The following ZMAT4 variants were observed in gnomAD, a reference collection of about 807,000 sequenced individuals.
The protein encoded by ZMAT4 is zinc finger matrin-type protein 4.
In ZMAT4, 17 loss-of-function variants were observed where a neutral mutation model predicts 28.7. The observed-to-expected ratio is 0.59, with a 90% CI of 0.41 to 0.89. ZMAT4 has a LOEUF of 0.89. ZMAT4 is among the 40% of genes least tolerant of loss of function. ZMAT4 has a pLI of 0.00. For synonymous variants in ZMAT4, 117 were observed against 109.2 expected, an observed-to-expected ratio of 1.07 and a Z score of -0.44; for missense variants, 240 against 283.8, an observed-to-expected ratio of 0.85 and a Z score of 1.11.
chr8:40,666,681 CA>C, intron 5 of ZMAT4, among the ~76,000 whole-genome samples: 1 of 152,120 alleles, frequency 6.6e-6, no homozygotes, highest in East Asian at 1.9e-4. Context: ...AAAAATAAAA[CA>C]CACAAAATAA....
chr8:40,708,353 G>A (rs970382780), intron 3 of ZMAT4, among the ~76,000 whole-genome samples: 2 of 152,178 alleles, frequency 1.3e-5, no homozygotes, highest in Non-Finnish European at 2.9e-5. Flanking sequence ...GCCTAGACCT[G>A]CAAATTTTCT....
intron 3 of ZMAT4, among the ~76,000 whole-genome samples, chr8:40,746,230 TCCCTCCCTCCC>T (rs1812210598): frequency 2.0e-4 from 2 of 10,022 alleles, no homozygotes; most frequent in African/African-American, 5.7e-4. Flanking sequence ...CTTCCCTCCC[TCCCTCCCTCCC>T]TCCCTCCCTC....
intron 5 of ZMAT4, among the ~76,000 whole-genome samples, chr8:40,617,846 G>A (rs1806064956): frequency 6.6e-6 from 1 of 152,176 alleles, no homozygotes; most frequent in South Asian, 2.1e-4. Context: ...TACTGAATAT[G>A]CTCTCTGCTG....
At chr8:40,641,093 G>T (rs897897979) in intron 5 of ZMAT4, among the ~76,000 whole-genome samples, 1 of 151,870 alleles carries the variant, frequency 6.6e-6, no homozygotes, top group African/African-American at 2.4e-5. Context: ...ACAGTTAAAA[G>T]AATGACTAAA....
chr8:40,680,659 C>G (rs1239643738), intron 4 of ZMAT4, among the ~76,000 whole-genome samples: 2 of 151,158 alleles, frequency 1.3e-5, no homozygotes, highest in African/African-American at 4.9e-5. Context: ...TTCAAGCTGA[C>G]AACATACACT....
chr8:40,755,104 T>C (rs146366504), intron 3 of ZMAT4, among the ~76,000 whole-genome samples: 1 of 152,270 alleles, frequency 6.6e-6, no homozygotes, highest in East Asian at 1.9e-4. Flanking sequence ...ACATCATATG[T>C]TCACAAATTT....
At chr8:40,629,498 T>C (rs2589873) in intron 5 of ZMAT4, among the ~76,000 whole-genome samples, 83,354 of 148,626 alleles carry the variant, frequency 0.56, 24,465 homozygotes, top group East Asian at 0.69. Flanking sequence ...GTTGGTGTGC[T>C]GCACCCATTA....
In ZMAT4 at chr8:40,596,492, A is replaced by T. The variant is rs74395468; in HGVS notation, c.578-15231T>A. On this transcript the variant is annotated intron_variant, in intron 5 of 6. Coordinates refer to ENST00000297737, the MANE Select transcript of ZMAT4 (RefSeq NM_024645.3). ...TCTATTTTTGAAATTTTTGATTTTT[A>T]AAAAATTTATAAACTTTTTTTGTGA... 5.2e-3 allele frequency among the ~76,000 whole-genome samples: 793 copies of T among 152,292 alleles called. 6 individuals are homozygous for T. Among genetic ancestry groups the T allele is most frequent in the African/African-American group, 0.018 (757 of 41,548 alleles).
At chr8:40,674,463 C>T (rs1474938832) in intron 5 of ZMAT4, 1 of 474,042 alleles carries the variant, frequency 2.1e-6, no homozygotes, top group Non-Finnish European at 3.8e-6. Context: ...CATGAATGTG[C>T]CTTTGGTCTG....
chr8:40,647,259 T>C (rs1026123007), intron 5 of ZMAT4, among the ~76,000 whole-genome samples: 3 of 152,176 alleles, frequency 2.0e-5, no homozygotes, highest in Non-Finnish European at 4.4e-5. Flanking sequence ...ATTGCCTCAC[T>C]TGGGAAGCGC....
intron 5 of ZMAT4, among the ~76,000 whole-genome samples, chr8:40,622,754 C>T (rs1403142996): frequency 6.6e-6 from 1 of 152,082 alleles, no homozygotes; most frequent in Non-Finnish European, 1.5e-5. Context: ...ATGCCAGGCT[C>T]TTTTTAAGAA....
At chr8:40,783,138 T>C (rs928217493) in intron 2 of ZMAT4, among the ~76,000 whole-genome samples, 1 of 152,260 alleles carries the variant, frequency 6.6e-6, no homozygotes, top group Non-Finnish European at 1.5e-5. Context: ...TAATAATCAG[T>C]ATGTGGAAAT....
chr8:40,568,480 C>T (rs964301416), intron 6 of ZMAT4, among the ~76,000 whole-genome samples: 1 of 151,902 alleles, frequency 6.6e-6, no homozygotes, highest in Non-Finnish European at 1.5e-5. Flanking sequence ...AATCCAGAAA[C>T]CCCAACCTTG....
chr8:40,636,944 G>A (rs562408375), intron 5 of ZMAT4, among the ~76,000 whole-genome samples: 1 of 152,198 alleles, frequency 6.6e-6, no homozygotes, highest in South Asian at 2.1e-4. Flanking sequence ...GAGAGCTGCC[G>A]AATGCAAAAC....
At chr8:40,645,070 A>G (rs2118783914) in intron 5 of ZMAT4, among the ~76,000 whole-genome samples, 1 of 152,304 alleles carries the variant, frequency 6.6e-6, no homozygotes, top group East Asian at 1.9e-4. Context: ...GAAACAGAAA[A>G]AGGACACTCA....
chr8:40,601,507 A>AAGAGAGAAAG lies in ZMAT4; in HGVS notation c.578-20247_578-20246insCTTTCTCTCT, dbSNP rs766066833. On this transcript the variant is annotated intron_variant, in intron 5 of 6. Coordinates refer to ENST00000297737, the MANE Select transcript of ZMAT4 (RefSeq NM_024645.3). ...AAAGAAAGAAAGAGAGAAAGAAAGAAAGAGAAAGAGAAAGAAAGAGGGAGA... is the reference window on the plus strand; with the variant it reads ...AAAGAAAGAAAGAGAGAAAGAAAGAAAGAGAGAAAGAGAGAAAGAGAAAGAAAGAGGGAGA... Among the ~76,000 whole-genome samples, 32 of 143,236 alleles carry AAGAGAGAAAG rather than the reference A, an allele frequency of 2.2e-4. 2 individuals carry two copies. Among genetic ancestry groups the AAGAGAGAAAG allele is most frequent in the Non-Finnish European group, 4.1e-4 (27 of 65,204 alleles). The allele number at this position is 143,236 out of a possible 152,430, so 94.0% of individuals were successfully genotyped here.
intron 3 of ZMAT4, among the ~76,000 whole-genome samples, chr8:40,752,061 G>A (rs1812474785): frequency 6.6e-6 from 1 of 152,076 alleles, no homozygotes; most frequent in African/African-American, 2.4e-5. Flanking sequence ...GACCACACCT[G>A]AGTTCTACCA....
chr8:40,581,373 A>G lies in ZMAT4; in HGVS notation c.578-112T>C. 1.3e-5 allele frequency: 10 copies of G among 777,998 alleles called. No individual in the cohort carries two copies. The Middle Eastern group carries it at 7.0e-4, about 55-fold the overall frequency. 48.2% of individuals were successfully genotyped at this position (777,998 alleles called of 1,614,324 possible). ...CAGTGTCGGAGATAACTCCTGATCT[A>G]CCCCACCAACACTTCAACCCTTCCT... On this transcript the variant is annotated intron_variant, in intron 5 of 6. Transcript: ENST00000297737.
rs1040678932 is a variant in ZMAT4 at position 40,749,025 on chromosome 8, C to T, written c.192+18616G>A. Among the ~76,000 whole-genome samples the T allele has an allele frequency of 2.0e-5, 3 of 152,082 alleles. No individual in the cohort carries two copies. The South Asian group carries it at 6.2e-4, about 32-fold the overall frequency. ...GATCTGATGCTTTTATAAGGGGTAA[C>T]CCCTTTCACTTGATTCTCACTGTCT... is the stretch of plus-strand genomic sequence containing the variant. On this transcript the variant is annotated intron_variant, in intron 3 of 6. Transcript: ENST00000297737.
Sources: allele counts gnomAD v4.1 joint callset (sites outside exome capture counted in the v4.1 genomes callset), GRCh38; gene constraint gnomAD v4.1.1; transcripts MANE v1.5; gene names NCBI Gene and HGNC (gene_info 2026-07-23, HGNC 2026-07-21).